The following PDE8A variants were observed in gnomAD, a reference collection of about 807,000 sequenced individuals.
PDE8A encodes the protein phosphodiesterase 8A.
In PDE8A, 59 loss-of-function variants were observed where a neutral mutation model predicts 105.0. The observed-to-expected ratio is 0.56, with a 90% confidence interval of 0.46 to 0.70. The LOEUF (loss-of-function observed/expected upper bound fraction) is 0.70, where lower values mean the gene tolerates loss of function less well. Ranked by LOEUF, PDE8A falls within the 30% of genes least tolerant of loss-of-function variation. The pLI is 0.00. For missense variants in PDE8A, 1,014 were observed against 1,045.9 expected (o/e 0.97, Z 0.42); for synonymous variants, 355 against 371.9 (o/e 0.95, Z 0.52).
Position 85,136,606 on chromosome 15 carries a change from A to G in PDE8A, c.2326A>G (p.Lys776Glu), listed in dbSNP as rs748148113. The change falls in exon 21 of 22, where the codon AAA becomes GAA. Residue 776 changes from lysine to glutamate, a missense_variant. Coordinates refer to ENST00000394553, the MANE Select transcript of PDE8A (RefSeq NM_002605.3). ...TGACAGAAATACCTGCAGCATCCCCAAATCCCAAATCTCTTTCATTGATTA... is the reference window on the plus strand; with the variant it reads ...TGACAGAAATACCTGCAGCATCCCCGAATCCCAAATCTCTTTCATTGATTA... ...VFDRNTCSIPKSQISFIDYFI... is the reference protein window; with the variant it reads ...VFDRNTCSIPESQISFIDYFI... The G allele has an allele frequency of 2.2e-5, 36 of 1,613,800 alleles. No individual in the cohort carries two copies. The highest frequency in any genetic ancestry group is 2.8e-5 in the Non-Finnish European group (33 of 1,179,858).
intron 1 of PDE8A, among the ~76,000 whole-genome samples, chr15:85,024,685 A>C (rs913870130): frequency 3.9e-5 from 6 of 152,176 alleles, no homozygotes; most frequent in Non-Finnish European, 8.8e-5. Flanking sequence ...TTAGCTGCCC[A>C]AAATTTCCCA....
At chr15:85,008,033 A>G (rs1054519201) in intron 1 of PDE8A, among the ~76,000 whole-genome samples, 1 of 152,084 alleles carries the variant, frequency 6.6e-6, no homozygotes, top group Non-Finnish European at 1.5e-5. Context: ...AGCTTGAAGC[A>G]CTGAGGTCCT....
intron 1 of PDE8A, among the ~76,000 whole-genome samples, chr15:85,025,348 C>T (rs289401): frequency 0.69 from 104,532 of 151,752 alleles, 36,443 homozygotes; most frequent in Non-Finnish European, 0.75. Context: ...ATTTGGGAGG[C>T]TTCCTCAGTG....
chr15:85,007,657 C>G (rs2080170864), intron 1 of PDE8A, among the ~76,000 whole-genome samples: 1 of 151,918 alleles, frequency 6.6e-6, no homozygotes, highest in African/African-American at 2.4e-5. Flanking sequence ...GTTTGTGCCT[C>G]AGATTTCAAG....
At chr15:85,039,402 C>T (rs1386631952) in intron 1 of PDE8A, among the ~76,000 whole-genome samples, 1 of 151,488 alleles carries the variant, frequency 6.6e-6, no homozygotes, top group Non-Finnish European at 1.5e-5. Flanking sequence ...GTCTCCCAGC[C>T]TGGGTGACAG....
intron 1 of PDE8A, among the ~76,000 whole-genome samples, chr15:85,060,153 A>G (rs984727137): frequency 2.6e-5 from 4 of 152,142 alleles, no homozygotes; most frequent in African/African-American, 4.8e-5. Context: ...TTGTAATGCA[A>G]TATTTAAATT....
At chr15:85,054,029 G>T (rs916753629) in intron 1 of PDE8A, among the ~76,000 whole-genome samples, 1 of 152,138 alleles carries the variant, frequency 6.6e-6, no homozygotes, top group East Asian at 1.9e-4. Flanking sequence ...TAGCATGAAG[G>T]GCTGTTGAAT....
intron 21 of PDE8A, among the ~76,000 whole-genome samples, chr15:85,137,482 A>G (rs2082430659): frequency 3.3e-5 from 5 of 152,156 alleles, no homozygotes; most frequent in Admixed American, 2.0e-4. Flanking sequence ...GGGGCACACT[A>G]CATACTGCTT....
At chr15:85,088,083 A>G (rs557706417) in intron 6 of PDE8A, among the ~76,000 whole-genome samples, 56 of 152,302 alleles carry the variant, frequency 3.7e-4, no homozygotes, top group African/African-American at 1.2e-3. Context: ...CAGTGATGCA[A>G]TCTCGGCTCA....
intron 1 of PDE8A, among the ~76,000 whole-genome samples, chr15:85,017,229 C>A (rs999241703): frequency 4.0e-5 from 6 of 150,568 alleles, no homozygotes; most frequent in African/African-American, 1.2e-4. Context: ...CCACTGCAGT[C>A]CGCAGTCCGG....
chr15:85,004,177 C>T (rs2080109494), intron 1 of PDE8A, among the ~76,000 whole-genome samples: 1 of 152,156 alleles, frequency 6.6e-6, no homozygotes, highest in Non-Finnish European at 1.5e-5. Context: ...TTGTTGCTTC[C>T]CCTTTTCCCC....
intron 1 of PDE8A, among the ~76,000 whole-genome samples, chr15:84,998,636 G>A (rs2080017520): frequency 6.6e-6 from 1 of 152,160 alleles, no homozygotes; most frequent in South Asian, 2.1e-4. Context: ...GTCAGTAACT[G>A]TATTTTTGAT....
chr15:85,098,752 G>A (rs1359979136), intron 9 of PDE8A, among the ~76,000 whole-genome samples: 3 of 152,088 alleles, frequency 2.0e-5, no homozygotes, highest in Non-Finnish European at 2.9e-5. Context: ...TTGAGCCCAG[G>A]AGTTTGGGAT....
rs528367353 is a variant in PDE8A at position 85,014,265 on chromosome 15, G to T, written c.186+31917G>T. Among the ~76,000 whole-genome samples the T allele has an allele frequency of 8.5e-5, 13 of 152,156 alleles. No homozygotes were observed. The East Asian group carries it at 2.5e-3, about 29-fold the overall frequency. The stretch of plus-strand genomic sequence containing the variant: ...GGGCTAAAGCTATTCTCCTGCTTCA[G>T]CCTCCCGAGGAGTTGGAAGTACAGG... On this transcript the variant is annotated intron_variant, in intron 1 of 21. Coordinates refer to ENST00000394553, the MANE Select transcript of PDE8A (RefSeq NM_002605.3).
intron 1 of PDE8A, among the ~76,000 whole-genome samples, chr15:84,990,619 CTATT>C (rs1245084208): frequency 6.6e-6 from 1 of 152,140 alleles, no homozygotes. Flanking sequence ...GTTCACTTAT[CTATT>C]CTTTTGTTAT....
chr15:85,084,127 T>C (rs958110547), intron 6 of PDE8A, among the ~76,000 whole-genome samples: 2 of 152,052 alleles, frequency 1.3e-5, no homozygotes, highest in African/African-American at 2.4e-5. Flanking sequence ...AAAATTAATA[T>C]AATTTTATCA....
chr15:85,013,531 G>A (rs2080274125), intron 1 of PDE8A, among the ~76,000 whole-genome samples: 1 of 152,086 alleles, frequency 6.6e-6, no homozygotes, highest in Non-Finnish European at 1.5e-5. Context: ...CAGAATAAAG[G>A]AATTGTGTTT....
At chr15:84,993,772 T>C (rs1190081179) in intron 1 of PDE8A, among the ~76,000 whole-genome samples, 1 of 152,072 alleles carries the variant, frequency 6.6e-6, no homozygotes, top group African/African-American at 2.4e-5. Flanking sequence ...ACACCTGTAA[T>C]CCCAGCTACT....
In PDE8A at chr15:85,104,370, G is replaced by A. The variant is rs191624681; in HGVS notation, c.1036+4172G>A. On this transcript the variant is annotated intron_variant, in intron 11 of 21. Coordinates refer to ENST00000394553, the MANE Select transcript of PDE8A (RefSeq NM_002605.3). ...GAGAAGCAGCACCCATAAAGGCATC[G>A]CGAAGCGAGGCTGGGGCAGGCCAGT... Among the ~76,000 whole-genome samples the A allele has an allele frequency of 3.9e-4, 60 of 152,252 alleles. No individual in the cohort carries two copies. In the East Asian group the frequency reaches 7.0e-3, roughly 18 times the overall value.
Sources: allele counts gnomAD v4.1 joint callset (sites outside exome capture counted in the v4.1 genomes callset), GRCh38; gene constraint gnomAD v4.1.1; transcripts MANE v1.5; gene names NCBI Gene and HGNC (gene_info 2026-07-23, HGNC 2026-07-21).